The following ATP6V0B variants were observed in gnomAD, a reference collection of about 807,000 sequenced individuals.
ATP6V0B encodes V-type proton ATPase 21 kDa proteolipid subunit c''.
Under a neutral mutation model 26.2 loss-of-function variants are expected in ATP6V0B, and 4 were observed. The observed-to-expected ratio is 0.15, with a 90% confidence interval of 0.08 to 0.35. The LOEUF is 0.35. Among genes scored for constraint, ATP6V0B ranks in the 10% least tolerant of loss-of-function variants. The pLI is 1.00. For synonymous variants in ATP6V0B, 110 were observed against 105.8 expected (o/e 1.04, Z -0.24); for missense variants, 175 against 272.5 (o/e 0.64, Z 2.52).
intron 1 of ATP6V0B, chr1:43,975,474 C>G: frequency 1.8e-6 from 1 of 548,914 alleles, no homozygotes; most frequent in Non-Finnish European, 3.2e-6. Context: ...CCCCCACCCA[C>G]AGCTTGTTGG....
In ATP6V0B at chr1:43,978,032, CCTCA is replaced by C. The variant is rs2085543281; in HGVS notation, c.*28_*31del. 6.2e-7 allele frequency: 1 copy of C among 1,614,018 alleles called. No homozygotes were observed. The highest frequency in any genetic ancestry group is 1.3e-5 in the African/African-American group (1 of 74,916). ...GATGATATGTGTGGGTGGGGCCGTGCCTCACTTTTATTTATTGCTGGTTTTCCTG... is the reference window on the plus strand; with the variant it reads ...GATGATATGTGTGGGTGGGGCCGTGCCTTTTATTTATTGCTGGTTTTCCTG... On this transcript the variant is annotated 3_prime_UTR_variant, in exon 8 of 8. Coordinates refer to ENST00000472174, the MANE Select transcript of ATP6V0B (RefSeq NM_004047.5).
intron 2 of ATP6V0B, 43 bp downstream of exon 2, chr1:43,975,891 C>T: frequency 1.9e-6 from 3 of 1,553,204 alleles, no homozygotes; most frequent in South Asian, 2.4e-5. Context: ...AGCTTCTTCC[C>T]TGCAGCCTCT....
chr1:43,977,730 G>A lies in ATP6V0B; in HGVS notation c.592-251G>A, dbSNP rs1350017579. 25 of 1,439,936 alleles carry A rather than the reference G, an allele frequency of 1.7e-5. No homozygotes were observed. In the South Asian group the frequency reaches 3.7e-4, roughly 21 times the overall value. The allele number at this position is 1,439,936 out of a possible 1,614,324, so 89.2% of individuals were successfully genotyped here. On this transcript the variant is annotated intron_variant, in intron 7 of 7. Transcript: ENST00000472174. ...GCCTGAGGGTCTGAGTGTGACTGTG[G>A]GTGCTTGACTGAGTTGATTCTTAGT...
chr1:43,975,821 A>G lies in ATP6V0B; in HGVS notation c.89A>G (p.Asp30Gly). 1 of 1,600,140 alleles carries G rather than the reference A, an allele frequency of 6.2e-7. No homozygotes were observed. The highest frequency in any genetic ancestry group is 8.5e-7 in the Non-Finnish European group (1 of 1,172,440). ...GCAGGAGTCTGCTACACCATTTTTGATTTGGGCTTCCGCTTTGATGTGGCA... is the reference window on the plus strand; with the variant it reads ...GCAGGAGTCTGCTACACCATTTTTGGTTTGGGCTTCCGCTTTGATGTGGCA... ...LAVGVCYTIFDLGFRFDVAWF... is the reference protein window; with the variant it reads ...LAVGVCYTIFGLGFRFDVAWF... Residue 30 changes from aspartate (D) to glycine (G), a missense_variant, in exon 2 of 8, where the codon GAT becomes GGT. By Grantham distance (94) the Asp-to-Gly change is moderately conservative. Around this residue, in one of 3 missense-constraint regions of ATP6V0B, gnomAD observed 75 missense variants for 94.7 expected, o/e 0.79. Coordinates refer to ENST00000472174, the MANE Select transcript of ATP6V0B (RefSeq NM_004047.5).
rs2085523863 is a variant in ATP6V0B, at chr1:43,976,666, A to G, written c.348+7A>G. ...CATTAGCAACATGGCTGAGGTATGG[A>G]AGGCCAGGGTGGTGGCGGGAATCCA... On this transcript the variant is annotated splice_region_variant and intron_variant, in intron 5 of 7. Transcript: ENST00000472174. This position sits in a 1 kb window ranked among gnomAD's most constrained non-coding sequence, Gnocchi z 4.6. 6.2e-7 allele frequency: 1 copy of G among 1,614,176 alleles called. No homozygotes were observed. Among genetic ancestry groups the G allele is most frequent in the Non-Finnish European group, 8.5e-7 (1 of 1,180,016 alleles).
Position 43,976,323 on chromosome 1 carries a change from C to G in ATP6V0B, c.222C>G (p.Ser74=), listed in dbSNP as rs779280296. 1.2e-6 allele frequency: 2 copies of G among 1,613,880 alleles called. No individual in the cohort carries two copies. The highest frequency in any genetic ancestry group is 2.7e-5 in the African/African-American group (2 of 74,994). ...CCAGGGGCATCTATATTACCGGCTC[C>G]TCCATCATTGGTGGAGGAGTGAAGG... ...GAAWGIYITG[S]SIIGGGVKAP... The change falls in exon 4 of 8, where the codon TCC becomes TCG. Residue 74 remains serine (S), a synonymous_variant. Transcript: ENST00000472174. This position sits in a 1 kb window ranked among gnomAD's most constrained non-coding sequence, Gnocchi z 4.6.
intron 2 of ATP6V0B, 54 bp downstream of exon 2, chr1:43,975,902 CTTCTT>C: frequency 1.9e-6 from 3 of 1,542,850 alleles, no homozygotes; most frequent in Non-Finnish European, 1.8e-6. Flanking sequence ...TGCAGCCTCT[CTTCTT>C]TTCTCTGGTC....
chr1:43,976,025 G>A lies in ATP6V0B; in HGVS notation c.117-65G>A, dbSNP rs1288166147. The A allele has an allele frequency of 1.3e-6, 2 of 1,571,556 alleles. No individual in the cohort carries two copies. The highest frequency in any genetic ancestry group is 1.4e-5 in the African/African-American group (1 of 73,898). On this transcript the variant is annotated intron_variant, in intron 2 of 7. Coordinates refer to ENST00000472174, the MANE Select transcript of ATP6V0B (RefSeq NM_004047.5). This position sits in a 1 kb window ranked among gnomAD's most constrained non-coding sequence, Gnocchi z 4.6. Reference sequence around the variant, plus strand: ...GGTGGGGTTGAAGGGGGTTTGAGGGGTTAAGATTTTGTGCTCCGCTTCCCT... The same window carrying A: ...GGTGGGGTTGAAGGGGGTTTGAGGGATTAAGATTTTGTGCTCCGCTTCCCT...
chr1:43,977,839 TCA>T (rs1177561116), intron 7 of ATP6V0B, 140 bp from the exon 8 acceptor site: 23 of 1,593,348 alleles, frequency 1.4e-5, no homozygotes, highest in South Asian at 1.0e-4. Context: ...GCCTTGTCTG[TCA>T]CAGTGTGTCC....
chr1:43,976,800 A>G lies in ATP6V0B; in HGVS notation c.376A>G (p.Ile126Val), dbSNP rs767110678. The G allele has an allele frequency of 1.2e-6, 2 of 1,614,120 alleles. No individual in the cohort carries two copies. Among genetic ancestry groups the G allele is most frequent in the Non-Finnish European group, 1.7e-6 (2 of 1,180,054 alleles). ...EPFSATDPKAIGHRNYHAGYS... is the reference protein window; with the variant it reads ...EPFSATDPKAVGHRNYHAGYS... ...TTTCAGTGCCACAGACCCCAAGGCC[A>G]TCGGCCATCGGAACTACCATGCAGG... is the stretch of plus-strand genomic sequence containing the variant. The change falls in exon 6 of 8, where the codon ATC (isoleucine) becomes GTC (valine). Residue 126 changes from isoleucine (I) to valine (V), a missense_variant. Physicochemically the swap from Ile to Val is conservative, Grantham distance 29. Transcript: ENST00000472174. The surrounding 1 kb of genome is among the most constrained non-coding windows in gnomAD (Gnocchi z 4.6).
chr1:43,977,018 C>T lies in ATP6V0B; in HGVS notation c.401-8C>T, dbSNP rs1031647961. On this transcript the variant is annotated splice_polypyrimidine_tract_variant and splice_region_variant and intron_variant, in intron 6 of 7. Coordinates refer to ENST00000472174, the MANE Select transcript of ATP6V0B (RefSeq NM_004047.5). ...TTAGCCTCACTGCACCCCTCTCTAT[C>T]CTCCCAGGCTACTCCATGTTTGGGG... 1.4e-5 allele frequency: 22 copies of T among 1,602,326 alleles called. No individual in the cohort carries two copies. Among genetic ancestry groups the T allele is most frequent in the Non-Finnish European group, 1.8e-5 (21 of 1,172,068 alleles).
At chr1:43,977,599 G>A (rs1370496599) in intron 7 of ATP6V0B, 4 of 1,417,974 alleles carry the variant, frequency 2.8e-6, no homozygotes, top group South Asian at 1.6e-5. Context: ...ACTGTCTCTC[G>A]GAGCTATGTG....
intron 2 of ATP6V0B, 59 bp downstream of exon 2, chr1:43,975,907 T>G: frequency 1.3e-6 from 2 of 1,541,246 alleles, no homozygotes; most frequent in Non-Finnish European, 1.8e-6. Context: ...CCTCTCTTCT[T>G]TTCTCTGGTC....
Position 43,976,438 on chromosome 1 carries a change from G to C in ATP6V0B, c.278+59G>C. On this transcript the variant is annotated intron_variant, in intron 4 of 7. Coordinates refer to ENST00000472174, the MANE Select transcript of ATP6V0B (RefSeq NM_004047.5). The surrounding 1 kb of genome is among the most constrained non-coding windows in gnomAD (Gnocchi z 4.6). ...CCAGCTGTGTTGGCGCTGCCTGTGT[G>C]TTTGATCTGACATACTGTTTCTGAC... 1 of 1,559,786 alleles carries C rather than the reference G, an allele frequency of 6.4e-7. No homozygotes were observed. Among genetic ancestry groups the C allele is most frequent in the Non-Finnish European group, 8.8e-7 (1 of 1,138,716 alleles).
chr1:43,975,773 C>G, intron 1 of ATP6V0B, 27 bp from the exon 2 acceptor site: 1 of 1,583,902 alleles, frequency 6.3e-7, no homozygotes, highest in Non-Finnish European at 8.6e-7. Context: ...CAGCCCGTAA[C>G]CCCCTTTTTC....
At position 43,978,222 on chromosome 1, in the gene ATP6V0B, C is replaced by A. The variant is rs1390249131; in HGVS notation, c.*215C>A. ...GCTGCTGACTCTGTGCAGCTGCGCA[C>A]CTGTGTCCCCCACCTCCACCCTCAA... On this transcript the variant is annotated 3_prime_UTR_variant, in exon 8 of 8. Transcript: ENST00000472174. The A allele has an allele frequency of 3.1e-6, 2 of 639,200 alleles. No homozygotes were observed. The highest frequency in any genetic ancestry group is 2.8e-6 in the Non-Finnish European group (1 of 363,256). The allele number at this position is 639,200 out of a possible 1,614,324, so 39.6% of individuals were successfully genotyped here. A position where few individuals can be genotyped will look rare whatever the true frequency, so the allele number is the denominator to read the frequency against.
chr1:43,975,157 G>T, intron 1 of ATP6V0B, 50 bp downstream of exon 1: 2 of 1,402,412 alleles, frequency 1.4e-6, no homozygotes, highest in Non-Finnish European at 1.8e-6. Context: ...CGAGCTGGCC[G>T]GGTCGGAACT....
rs935358675 is a variant in ATP6V0B at position 43,974,974 on chromosome 1, A to T, written c.-67A>T. On this transcript the variant is annotated 5_prime_UTR_variant, in exon 1 of 8. Coordinates refer to ENST00000472174, the MANE Select transcript of ATP6V0B (RefSeq NM_004047.5). ...GGCGGGCGGACAGACTGCGGGACGG[A>T]CGGTGGACGCTGGGACGCGTTTGTA... 2 of 1,185,896 alleles carry T rather than the reference A, an allele frequency of 1.7e-6. No individual in the cohort carries two copies. The allele number at this position is 1,185,896 out of a possible 1,614,324, so 73.5% of individuals were successfully genotyped here.
chr1:43,975,861 AG>A lies in ATP6V0B; in HGVS notation c.116+18del. On this transcript the variant is annotated intron_variant, in intron 2 of 7. Coordinates refer to ENST00000472174, the MANE Select transcript of ATP6V0B (RefSeq NM_004047.5). ...TTGATGTGGCATGGTAAGGGAGGGC[AG>A]GGGGAGGATTCCCCTTGAAGCTTCT... The A allele has an allele frequency of 1.9e-6, 3 of 1,587,510 alleles. No homozygotes were observed. Among genetic ancestry groups the A allele is most frequent in the East Asian group, 2.2e-5 (1 of 44,492 alleles).
Sources: allele counts gnomAD v4.1 joint callset, GRCh38; gene constraint gnomAD v4.1.1; regional missense constraint gnomAD v4.1.1; non-coding constraint Gnocchi (gnomAD v3.1); transcripts MANE v1.5; gene names NCBI Gene and HGNC (gene_info 2026-07-23, HGNC 2026-07-21).